Variants in VAV3 observed in about 807,000 individuals in gnomAD.
The protein encoded by VAV3 is vav guanine nucleotide exchange factor 3.
In VAV3, 94 loss-of-function variants were observed where a neutral mutation model predicts 131.2. The observed-to-expected ratio is 0.72, with a 90% CI of 0.61 to 0.85. The LOEUF is 0.85. VAV3 is among the 40% of genes least tolerant of loss of function. The pLI is 0.00. For missense variants in VAV3, 939 were observed against 1,002.7 expected, an observed-to-expected ratio of 0.94 and a Z score of 0.86; for synonymous variants, 349 against 342.0, an observed-to-expected ratio of 1.02 and a Z score of -0.22.
intron 1 of VAV3, among the ~76,000 whole-genome samples, chr1:107,890,547 G>A (rs1671263372): frequency 6.6e-6 from 1 of 152,068 alleles, no homozygotes; most frequent in African/African-American, 2.4e-5. Flanking sequence ...TCTGTCTGGG[G>A]CTCAATAGTG....
rs1474550139 is a variant in VAV3 at position 107,582,862 on chromosome 1, G to A, written c.2351-8664C>T. Among the ~76,000 whole-genome samples the A allele has an allele frequency of 3.9e-5, 6 of 152,124 alleles. No homozygotes were observed. In the East Asian group the frequency reaches 7.8e-4, roughly 20 times the overall value. ...AGTCTTTGCTATTGTGAATAGTGAT[G>A]CAATAAACATACGTGTGCATGTGTC... On this transcript the variant is annotated intron_variant, in intron 25 of 26. Coordinates refer to ENST00000370056, the MANE Select transcript of VAV3 (RefSeq NM_006113.5).
At chr1:107,647,641 T>G (rs554555080) in intron 19 of VAV3, among the ~76,000 whole-genome samples, 1 of 152,114 alleles carries the variant, frequency 6.6e-6, no homozygotes, top group South Asian at 2.1e-4. Flanking sequence ...CCCTAAAACA[T>G]GTACATTATT....
intron 19 of VAV3, among the ~76,000 whole-genome samples, chr1:107,644,555 T>C (rs1403938328): frequency 1.3e-5 from 2 of 152,076 alleles, no homozygotes; most frequent in Non-Finnish European, 2.9e-5. Flanking sequence ...AGCCGTGGAC[T>C]TCACTGCAGT....
chr1:107,954,890 C>T (rs915964469), intron 1 of VAV3, among the ~76,000 whole-genome samples: 4 of 152,150 alleles, frequency 2.6e-5, no homozygotes, highest in African/African-American at 9.7e-5. Flanking sequence ...CCACAAACCA[C>T]TTGTTGGTGT....
intron 17 of VAV3, among the ~76,000 whole-genome samples, chr1:107,702,960 T>C (rs1486033813): frequency 6.6e-6 from 1 of 152,172 alleles, no homozygotes; most frequent in Non-Finnish European, 1.5e-5. Flanking sequence ...AATATTTAAG[T>C]AAATTCCCCA....
Position 107,910,130 on chromosome 1 carries a change from AAG to A in VAV3, c.205-35115_205-35114del, listed in dbSNP as rs71924623. ...TTTTACAGAAGAGGAAATGAACTTG[AAG>A]AGGTTATTCTGAATGCCCAAGATTA... On this transcript the variant is annotated intron_variant, in intron 1 of 26. Coordinates refer to ENST00000370056, the MANE Select transcript of VAV3 (RefSeq NM_006113.5). Among the ~76,000 whole-genome samples the A allele has an allele frequency of 6.4e-3, 978 of 152,308 alleles. 11 individuals carry two copies. Among genetic ancestry groups the A allele is most frequent in the African/African-American group, 0.023 (938 of 41,554 alleles).
intron 15 of VAV3, among the ~76,000 whole-genome samples, chr1:107,737,653 A>T (rs1028083433): frequency 6.6e-6 from 1 of 152,224 alleles, no homozygotes; most frequent in East Asian, 1.9e-4. Flanking sequence ...AACCACAATG[A>T]GATACCATCT....
intron 2 of VAV3, among the ~76,000 whole-genome samples, chr1:107,861,303 G>A (rs190972636): frequency 1.3e-5 from 2 of 151,630 alleles, no homozygotes; most frequent in African/African-American, 4.8e-5. Flanking sequence ...AAAAGCCAAC[G>A]CTAATTAATA....
At chr1:107,697,573 C>T (rs140853199) in intron 17 of VAV3, among the ~76,000 whole-genome samples, 5 of 152,278 alleles carry the variant, frequency 3.3e-5, no homozygotes, top group East Asian at 1.9e-4. Flanking sequence ...GAGAATGATG[C>T]TACTTTTTAA....
intron 1 of VAV3, among the ~76,000 whole-genome samples, chr1:107,911,361 TTA>T (rs1187741872): frequency 1.3e-5 from 2 of 152,130 alleles, no homozygotes; most frequent in African/African-American, 2.4e-5. Flanking sequence ...GACAAAGAAA[TTA>T]TGAGTTCAAC....
At chr1:107,925,986 C>A (rs1252037552) in intron 1 of VAV3, among the ~76,000 whole-genome samples, 2 of 151,608 alleles carry the variant, frequency 1.3e-5, no homozygotes, top group African/African-American at 2.4e-5. Flanking sequence ...AAAATTGTTA[C>A]AAGAATCAAC....
At chr1:107,726,691 C>T (rs566794950) in intron 15 of VAV3, among the ~76,000 whole-genome samples, 1 of 152,168 alleles carries the variant, frequency 6.6e-6, no homozygotes, top group South Asian at 2.1e-4. Context: ...CTACCAACCT[C>T]GTTTCCTTTA....
intron 16 of VAV3, 93 bp downstream of exon 16, chr1:107,704,867 T>C (rs1660345715): frequency 9.0e-6 from 12 of 1,327,672 alleles, no homozygotes; most frequent in Non-Finnish European, 1.1e-5. Flanking sequence ...TTCCCCACTT[T>C]AGAACCTATT....
At chr1:107,803,998 T>C (rs1666946948) in intron 2 of VAV3, among the ~76,000 whole-genome samples, 1 of 152,076 alleles carries the variant, frequency 6.6e-6, no homozygotes, top group African/African-American at 2.4e-5. Context: ...ATAGTCACCT[T>C]CTCTATTAGG....
At chr1:107,666,936 T>C (rs1339720474) in intron 19 of VAV3, among the ~76,000 whole-genome samples, 1 of 152,192 alleles carries the variant, frequency 6.6e-6, no homozygotes, top group Non-Finnish European at 1.5e-5. Context: ...CTAGGCAGCC[T>C]AGCTCTGGAG....
chr1:107,917,491 C>T (rs541134856), intron 1 of VAV3, among the ~76,000 whole-genome samples: 2 of 152,272 alleles, frequency 1.3e-5, no homozygotes, highest in East Asian at 3.9e-4. Flanking sequence ...CACCATACTC[C>T]TGGATCATAA....
At chr1:107,757,681 C>T (rs1398559064) in intron 10 of VAV3, among the ~76,000 whole-genome samples, 1 of 152,144 alleles carries the variant, frequency 6.6e-6, no homozygotes, top group Non-Finnish European at 1.5e-5. Context: ...ATTCTTTTAA[C>T]TGCATCCCTC....
chr1:107,869,628 A>T (rs1410835301), intron 2 of VAV3, among the ~76,000 whole-genome samples: 2 of 152,174 alleles, frequency 1.3e-5, no homozygotes, highest in Non-Finnish European at 2.9e-5. Context: ...TCTAACTCAG[A>T]AACCATGTAT....
At position 107,907,814 on chromosome 1, in the gene VAV3, T is replaced by A. The variant is rs747988568; in HGVS notation, c.205-32797A>T. ...ATCTTGGGCTTCTCAGTCTCTAGAC[T>A]ATAAGAAATAAATTTCTGTTCTTTA... On this transcript the variant is annotated intron_variant, in intron 1 of 26. Coordinates refer to ENST00000370056, the MANE Select transcript of VAV3 (RefSeq NM_006113.5). Among the ~76,000 whole-genome samples the A allele has an allele frequency of 6.8e-4, 103 of 152,192 alleles. 2 individuals carry two copies. The highest frequency in any genetic ancestry group is 2.4e-4 in the Non-Finnish European group (16 of 68,038).
Sources: gnomAD v4.1 joint callset for allele counts (sites outside exome capture counted in the v4.1 genomes callset) on GRCh38, gnomAD v4.1.1 for gene constraint, MANE v1.5 for transcripts, NCBI Gene and HGNC (gene_info 2026-07-23, HGNC 2026-07-21) for gene names.